The following TENM4 variants were observed in gnomAD, a reference collection of about 807,000 sequenced individuals.
The protein encoded by TENM4 is teneurin-4.
Under a neutral mutation model 243.3 loss-of-function variants are expected in TENM4, and 82 were observed. The observed-to-expected ratio is 0.34, with a 90% confidence interval of 0.28 to 0.40. The LOEUF (loss-of-function observed/expected upper bound fraction) is 0.40. Among genes scored for constraint, TENM4 ranks in the 10% least tolerant of loss-of-function variants. The pLI, the probability that TENM4 is intolerant of heterozygous loss-of-function variation, is 1.00. For synonymous variants in TENM4, 1,412 were observed against 1,456.3 expected (o/e 0.97, Z 0.69); for missense variants, 3,138 against 3,673.3 (o/e 0.85, Z 3.77).
rs540422235 is a variant in TENM4, at chr11:79,214,295, A to C, written c.-163+1513T>G. ...CAGGCTTGAGCCATCAAGCCTGGCCAAAAAGCAAAAAATATTAATGGAGCT... is the reference window on the plus strand; with the variant it reads ...CAGGCTTGAGCCATCAAGCCTGGCCCAAAAGCAAAAAATATTAATGGAGCT... On this transcript the variant is annotated intron_variant, in intron 3 of 33. Coordinates refer to ENST00000278550, the MANE Select transcript of TENM4 (RefSeq NM_001098816.3). Among the ~76,000 whole-genome samples, 6 of 152,240 alleles carry C rather than the reference A, an allele frequency of 3.9e-5. No homozygotes were observed. The South Asian group carries it at 1.2e-3, about 32-fold the overall frequency.
Position 78,955,780 on chromosome 11 carries a change from G to C in TENM4, c.494-52257C>G, listed in dbSNP as rs561385060. On this transcript the variant is annotated intron_variant, in intron 6 of 33. Transcript: ENST00000278550. Reference sequence around the variant, plus strand: ...GAAAGCCAATGTGGCAATTAAATTAGAGTCACCAGAGTTTCCCAGAGGTAA... The same window carrying C: ...GAAAGCCAATGTGGCAATTAAATTACAGTCACCAGAGTTTCCCAGAGGTAA... Among the ~76,000 whole-genome samples the C allele has an allele frequency of 9.8e-5, 15 of 152,294 alleles. 1 individual carries two copies. The South Asian group carries it at 3.1e-3, about 32-fold the overall frequency.
At chr11:78,711,029 G>A (rs945947085) in intron 26 of TENM4, among the ~76,000 whole-genome samples, 1 of 152,172 alleles carries the variant, frequency 6.6e-6, no homozygotes, top group Non-Finnish European at 1.5e-5. Context: ...GGAAACTGAG[G>A]CCCAGAGGAG....
chr11:78,845,945 T>A (rs1284185182), intron 12 of TENM4, among the ~76,000 whole-genome samples: 1 of 152,200 alleles, frequency 6.6e-6, no homozygotes, highest in African/African-American at 2.4e-5. Flanking sequence ...ATAAGTCAGA[T>A]GAGCGGACTG....
At position 79,111,272 on chromosome 11, in the gene TENM4, G is replaced by A. The variant is rs188122529; in HGVS notation, c.-66+37438C>T. On this transcript the variant is annotated intron_variant, in intron 4 of 33. Coordinates refer to ENST00000278550, the MANE Select transcript of TENM4 (RefSeq NM_001098816.3). Reference sequence around the variant, plus strand: ...ATCAAACCTCTTTTTCTGGCCAGGCGCCGTGGCTCACACCTGTAATCCCAG... The same window carrying A: ...ATCAAACCTCTTTTTCTGGCCAGGCACCGTGGCTCACACCTGTAATCCCAG... Among the ~76,000 whole-genome samples, 42 of 152,244 alleles carry A rather than the reference G, an allele frequency of 2.8e-4. No homozygotes were observed. The East Asian group carries it at 5.8e-3, about 21-fold the overall frequency.
chr11:79,041,890 G>T (rs562460459), intron 6 of TENM4, among the ~76,000 whole-genome samples: 1 of 152,300 alleles, frequency 6.6e-6, no homozygotes, highest in East Asian at 1.9e-4. Flanking sequence ...GCAGGGCTCA[G>T]GGTCTGAACA....
chr11:79,033,636 G>T (rs1430402619), intron 6 of TENM4, among the ~76,000 whole-genome samples: 1 of 152,208 alleles, frequency 6.6e-6, no homozygotes, highest in African/African-American at 2.4e-5. Flanking sequence ...AAAACCTGAT[G>T]ATGCCTACTT....
chr11:79,322,584 C>G (rs1394081910), intron 1 of TENM4, among the ~76,000 whole-genome samples: 1 of 151,894 alleles, frequency 6.6e-6, no homozygotes, highest in Admixed American at 6.6e-5. Flanking sequence ...ACACTCTCCC[C>G]AAAACACAAC....
At chr11:79,267,354 T>C (rs1169073997) in intron 2 of TENM4, among the ~76,000 whole-genome samples, 1 of 152,168 alleles carries the variant, frequency 6.6e-6, no homozygotes, top group Non-Finnish European at 1.5e-5. Flanking sequence ...CCATTTACCC[T>C]GTTCAAATCC....
intron 18 of TENM4, among the ~76,000 whole-genome samples, chr11:78,769,117 GCTCTT>G (rs1407825212): frequency 6.6e-6 from 1 of 152,214 alleles, no homozygotes; most frequent in African/African-American, 2.4e-5. Flanking sequence ...GGGAATGGTG[GCTCTT>G]CTCTTCTTTT....
intron 3 of TENM4, among the ~76,000 whole-genome samples, chr11:79,177,370 TC>T (rs1001257391): frequency 1.4e-4 from 21 of 152,050 alleles, no homozygotes; most frequent in Non-Finnish European, 2.8e-4. Flanking sequence ...TCCTTTCCTC[TC>T]CTTTTCTTTT....
chr11:79,128,761 A>C (rs565041146), intron 4 of TENM4, among the ~76,000 whole-genome samples: 3 of 152,334 alleles, frequency 2.0e-5, no homozygotes, highest in Non-Finnish European at 4.4e-5. Context: ...TGCACTTTGC[A>C]TGGAAGGAGA....
intron 4 of TENM4, among the ~76,000 whole-genome samples, chr11:79,090,657 G>A (rs1241447943): frequency 1.3e-5 from 2 of 152,188 alleles, no homozygotes; most frequent in Admixed American, 1.3e-4. Context: ...TCCATCCCCT[G>A]TGCGCCTCTG....
chr11:79,293,657 T>G (rs754889232), intron 2 of TENM4, among the ~76,000 whole-genome samples: 4 of 152,026 alleles, frequency 2.6e-5, no homozygotes, highest in Admixed American at 6.6e-5. Context: ...GTTTGGAAAA[T>G]GCATGCGAGA....
At chr11:79,064,684 A>G (rs1189846813) in intron 6 of TENM4, 54 bp downstream of exon 6, 2 of 1,543,410 alleles carry the variant, frequency 1.3e-6, no homozygotes, top group East Asian at 2.5e-5. Context: ...TATTATAAAT[A>G]AAACCCCAGC....
intron 4 of TENM4, chr11:79,096,795 C>T (rs1284889986): frequency 6.6e-6 from 1 of 152,630 alleles, no homozygotes; most frequent in African/African-American, 2.4e-5. Context: ...GACATAGTCT[C>T]AGCAACTTAT....
At chr11:79,253,654 C>G (rs889333126) in intron 2 of TENM4, among the ~76,000 whole-genome samples, 1 of 152,124 alleles carries the variant, frequency 6.6e-6, no homozygotes, top group Non-Finnish European at 1.5e-5. Context: ...AATAATTAAT[C>G]GCCCTGTTTT....
Position 78,658,714 on chromosome 11 carries a change from GCTGGC to G in TENM4, c.7649_7653del (p.Cys2550SerfsTer38). 3.7e-6 allele frequency: 6 copies of G among 1,614,038 alleles called. No homozygotes were observed. Among genetic ancestry groups the G allele is most frequent in the Non-Finnish European group, 5.1e-6 (6 of 1,179,900 alleles). ...GCAAACTTCTTGGTCTTTGGAGCCT[GCTGGC>G]AGCTGGTGATTGTGGAGCCATAGAG... On this transcript the variant is annotated frameshift_variant, in exon 34 of 34. Transcript: ENST00000278550. LOFTEE classifies it high-confidence loss of function.
chr11:78,892,069 G>A (rs1316193344), intron 7 of TENM4, among the ~76,000 whole-genome samples: 1 of 152,174 alleles, frequency 6.6e-6, no homozygotes, highest in Non-Finnish European at 1.5e-5. Flanking sequence ...GCAGGGACCT[G>A]GGTGATAACT....
chr11:78,928,651 T>C (rs1856604131), intron 6 of TENM4, among the ~76,000 whole-genome samples: 1 of 152,248 alleles, frequency 6.6e-6, no homozygotes, highest in African/African-American at 2.4e-5. Context: ...GTACATATTA[T>C]ATCACTTTCA....
Sources: allele counts gnomAD v4.1 joint callset (sites outside exome capture counted in the v4.1 genomes callset), GRCh38; gene constraint gnomAD v4.1.1; transcripts MANE v1.5; gene names NCBI Gene and HGNC (gene_info 2026-07-23, HGNC 2026-07-21).